COL4A6: variants seen among roughly 807,000 people sequenced by gnomAD.
The protein encoded by COL4A6 is collagen alpha-6(IV) chain.
COL4A6 carries 59 observed loss-of-function variants against 126.7 expected under a neutral mutation model. That is an observed-to-expected ratio of 0.47 (90% CI 0.38 to 0.58). COL4A6 has a LOEUF of 0.58. Among genes scored for constraint, COL4A6 ranks in the 20% least tolerant of loss-of-function variants. The pLI, the probability that COL4A6 is intolerant of heterozygous loss-of-function variation, is 0.00. For missense variants in COL4A6, 1,285 were observed against 1,337.3 expected (o/e 0.96, Z 0.61); for synonymous variants, 547 against 496.6 (o/e 1.10, Z -1.35).
intron 2 of COL4A6, among the ~76,000 whole-genome samples, chrX:108,376,607 AAAAATAAAAT>A (rs57901693): frequency 3.6e-5 from 4 of 110,851 alleles, no homozygotes; most frequent in Non-Finnish European, 7.5e-5. Flanking sequence ...TCTGTCTCAA[AAAAATAAAAT>A]AAAATAAAAT....
chrX:108,384,504 G>A (rs1488317904), intron 2 of COL4A6, among the ~76,000 whole-genome samples: 2 of 111,963 alleles, frequency 1.8e-5, no homozygotes, highest in Non-Finnish European at 3.8e-5. Context: ...TCCAGTTTAC[G>A]TGCAGTTACT....
At chrX:108,406,601 G>T (rs1392395305) in intron 2 of COL4A6, among the ~76,000 whole-genome samples, 1 of 111,849 alleles carries the variant, frequency 8.9e-6, no homozygotes, top group East Asian at 2.8e-4. Flanking sequence ...GCTGGTTCTT[G>T]CCCTGTTTAC....
At chrX:108,295,387 C>G (rs1250849859) in intron 3 of COL4A6, among the ~76,000 whole-genome samples, 5 of 112,286 alleles carry the variant, frequency 4.5e-5, no homozygotes, top group African/African-American at 1.6e-4. Context: ...GCCAAAGCCA[C>G]CAATAGCCAA....
At chrX:108,399,278 A>AC (rs775590846) in intron 2 of COL4A6, among the ~76,000 whole-genome samples, 2 of 111,591 alleles carry the variant, frequency 1.8e-5, no homozygotes, top group Non-Finnish European at 3.8e-5. Flanking sequence ...CACGTATGAA[A>AC]TGCCCACTAA....
chrX:108,324,051 G>A (rs1261010808), intron 2 of COL4A6, among the ~76,000 whole-genome samples: 1 of 112,196 alleles, frequency 8.9e-6, no homozygotes, highest in Non-Finnish European at 1.9e-5. Context: ...ATAGCTTTAG[G>A]AAAATCATTA....
Position 108,196,593 on chromosome X carries a change from G to T in COL4A6, c.835-14C>A. 8.6e-7 allele frequency: 1 copy of T among 1,164,457 alleles called. No homozygotes were observed. Among genetic ancestry groups the T allele is most frequent in the Non-Finnish European group, 1.2e-6 (1 of 863,334 alleles). ...AGTTCCAAGGCCCTAAATGAAAAAAGAAACCACAAGTTATAACGTTTGTTT... is the reference window on the plus strand; with the variant it reads ...AGTTCCAAGGCCCTAAATGAAAAAATAAACCACAAGTTATAACGTTTGTTT... On this transcript the variant is annotated splice_polypyrimidine_tract_variant and intron_variant, in intron 13 of 44. Coordinates refer to ENST00000334504, the MANE Select transcript of COL4A6 (RefSeq NM_033641.4).
intron 27 of COL4A6, among the ~76,000 whole-genome samples, 185 bp from the exon 28 acceptor site, chrX:108,177,196 A>G (rs991291143): frequency 1.8e-5 from 2 of 112,590 alleles, no homozygotes; most frequent in African/African-American, 6.4e-5. Flanking sequence ...GTTAGCATCT[A>G]CTACCCAGAG....
intron 2 of COL4A6, among the ~76,000 whole-genome samples, chrX:108,409,345 T>C (rs1342120652): frequency 8.9e-6 from 1 of 112,264 alleles, no homozygotes; most frequent in Non-Finnish European, 1.9e-5. Context: ...GATAGGAAGT[T>C]ATTTATTATT....
chrX:108,278,264 T>C (rs1333220972), intron 3 of COL4A6, among the ~76,000 whole-genome samples: 1 of 111,449 alleles, frequency 9.0e-6, no homozygotes, highest in Admixed American at 9.5e-5. Context: ...GACGAAAGTA[T>C]AACTAGAATA....
intron 3 of COL4A6, among the ~76,000 whole-genome samples, chrX:108,260,027 T>C (rs1406759492): frequency 9.0e-6 from 1 of 110,819 alleles, no homozygotes; most frequent in Non-Finnish European, 1.9e-5. Flanking sequence ...AAACTTATCA[T>C]GAGTGTCGTA....
chrX:108,276,806 T>C (rs2037616592), intron 3 of COL4A6, among the ~76,000 whole-genome samples: 1 of 111,979 alleles, frequency 8.9e-6, no homozygotes, highest in Non-Finnish European at 1.9e-5. Flanking sequence ...CATGGGGAAG[T>C]GGATCACTAG....
At chrX:108,264,249 A>G (rs1319196252) in intron 3 of COL4A6, among the ~76,000 whole-genome samples, 3 of 111,648 alleles carry the variant, frequency 2.7e-5, no homozygotes, top group Non-Finnish European at 3.8e-5. Flanking sequence ...AGCTTTATGC[A>G]GAGTAATTTA....
intron 3 of COL4A6, among the ~76,000 whole-genome samples, chrX:108,280,339 A>G (rs1324912069): frequency 8.9e-6 from 1 of 111,754 alleles, no homozygotes; most frequent in Non-Finnish European, 1.9e-5. Context: ...AGAAATACAA[A>G]CTACCATCAG....
intron 2 of COL4A6, chrX:108,383,828 C>T: frequency 2.0e-6 from 1 of 490,672 alleles, no homozygotes; most frequent in Non-Finnish European, 3.7e-6. Context: ...TTCAAAGGAT[C>T]CCTCAAACCA....
intron 2 of COL4A6, among the ~76,000 whole-genome samples, chrX:108,411,428 G>A (rs2041326912): frequency 9.0e-6 from 1 of 111,724 alleles, no homozygotes; most frequent in African/African-American, 3.3e-5. Context: ...AAGGTGTGTG[G>A]GGCCTGTGTA....
intron 2 of COL4A6, among the ~76,000 whole-genome samples, chrX:108,331,340 A>T (rs1181567448): frequency 8.9e-6 from 1 of 112,006 alleles, no homozygotes; most frequent in African/African-American, 3.2e-5. Context: ...CTGTGCAAAC[A>T]TCATAGCATA....
intron 3 of COL4A6, among the ~76,000 whole-genome samples, chrX:108,241,993 GTTTTT>G (rs754002626): frequency 1.2e-5 from 1 of 85,916 alleles, no homozygotes; most frequent in African/African-American, 4.1e-5. Flanking sequence ...GATTTCACCA[GTTTTT>G]TTTTTTTTTT....
chrX:108,262,630 G>C (rs2037195460), intron 3 of COL4A6, among the ~76,000 whole-genome samples: 1 of 111,564 alleles, frequency 9.0e-6, no homozygotes, highest in South Asian at 3.8e-4. Context: ...CTGATTGTCT[G>C]AGGTTGTCTG....
Position 108,183,772 on chromosome X carries a change from C to G in COL4A6, c.1952-2804G>C, listed in dbSNP as rs1201562445. The G allele has an allele frequency of 3.2e-6, 3 of 926,729 alleles. No individual in the cohort carries two copies. The African/African-American group carries it at 6.2e-5, about 19-fold the overall frequency. The allele number at this position is 926,729 out of a possible 1,213,427, so 76.4% of individuals were successfully genotyped here. The stretch of plus-strand genomic sequence containing the variant: ...ACCAACCTCTCTACAGCAGCAGTCA[C>G]CTAGAGCAATCAAGTGAAGAAGAAA... On this transcript the variant is annotated intron_variant, in intron 23 of 44. Coordinates refer to ENST00000334504, the MANE Select transcript of COL4A6 (RefSeq NM_033641.4).
Sources: gnomAD v4.1 joint callset for allele counts (sites outside exome capture counted in the v4.1 genomes callset) on GRCh38, gnomAD v4.1.1 for gene constraint, MANE v1.5 for transcripts, NCBI Gene and HGNC (gene_info 2026-07-23, HGNC 2026-07-21) for gene names.